SPPL3: variants seen among roughly 807,000 people sequenced by gnomAD.
SPPL3 encodes the protein signal peptide peptidase-like 3.
Under a neutral mutation model 42.4 loss-of-function variants are expected in SPPL3, and 5 were observed. The ratio of observed to expected loss-of-function variants is 0.12; its 90% confidence interval spans 0.06 to 0.25. SPPL3 has a LOEUF of 0.25. Ranked by LOEUF, SPPL3 falls within the 10% of genes least tolerant of loss-of-function variation. SPPL3 has a pLI of 1.00. For missense variants in SPPL3, 235 were observed against 489.0 expected, an observed-to-expected ratio of 0.48 and a Z score of 4.90; for synonymous variants, 195 against 181.8, an observed-to-expected ratio of 1.07 and a Z score of -0.58.
At chr12:120,833,984 C>T (rs984640356) in intron 1 of SPPL3, among the ~76,000 whole-genome samples, 50 of 152,098 alleles carry the variant, frequency 3.3e-4, no homozygotes, top group African/African-American at 1.2e-3. Context: ...AGCATGCATA[C>T]AGGGTGACAC....
intron 1 of SPPL3, among the ~76,000 whole-genome samples, chr12:120,832,686 G>A (rs914628224): frequency 2.6e-5 from 4 of 151,934 alleles, no homozygotes; most frequent in Non-Finnish European, 5.9e-5. Flanking sequence ...AAAGCTATTT[G>A]GAAATGAAAG....
At chr12:120,821,485 G>A (rs1871069828) in intron 1 of SPPL3, among the ~76,000 whole-genome samples, 1 of 152,030 alleles carries the variant, frequency 6.6e-6, no homozygotes, top group Non-Finnish European at 1.5e-5. Context: ...GGTACAAGCT[G>A]GATAAAGCAG....
chr12:120,864,504 C>T (rs759406395), intron 1 of SPPL3, among the ~76,000 whole-genome samples: 15 of 152,108 alleles, frequency 9.9e-5, no homozygotes, highest in Non-Finnish European at 1.8e-4. Flanking sequence ...CATTGCACTC[C>T]AGCCCAGACA....
Position 120,764,933 on chromosome 12 carries a change from G to C in SPPL3, c.*66C>G, listed in dbSNP as rs1055840592. ...TCTGAGTACCAGGCCAGCTCTAAGA[G>C]GAAACAAACCATGAGTTGAGAGAAA... On this transcript the variant is annotated 3_prime_UTR_variant, in exon 11 of 11. Coordinates refer to ENST00000353487, the MANE Select transcript of SPPL3 (RefSeq NM_139015.5). 14 of 1,556,346 alleles carry C rather than the reference G, an allele frequency of 9.0e-6. No homozygotes were observed. The highest frequency in any genetic ancestry group is 1.2e-5 in the Non-Finnish European group (14 of 1,137,286).
At chr12:120,782,465 G>A (rs1407355015) in intron 6 of SPPL3, among the ~76,000 whole-genome samples, 190 bp downstream of exon 6, 4 of 152,162 alleles carry the variant, frequency 2.6e-5, no homozygotes, top group Non-Finnish European at 4.4e-5. Flanking sequence ...ACAGAAAGTA[G>A]AGACTAGTGG....
chr12:120,832,198 A>G (rs1271988407), intron 1 of SPPL3, among the ~76,000 whole-genome samples: 1 of 152,248 alleles, frequency 6.6e-6, no homozygotes, highest in African/African-American at 2.4e-5. Context: ...ATTATTACTC[A>G]TAAAAACAGG....
At chr12:120,777,999 A>G (rs1869389159) in intron 6 of SPPL3, among the ~76,000 whole-genome samples, 1 of 152,126 alleles carries the variant, frequency 6.6e-6, no homozygotes, top group Non-Finnish European at 1.5e-5. Context: ...ATAGCTTGGT[A>G]TATGGTAGAC....
At chr12:120,865,113 A>G (rs1055382205) in intron 1 of SPPL3, among the ~76,000 whole-genome samples, 1 of 152,230 alleles carries the variant, frequency 6.6e-6, no homozygotes, top group African/African-American at 2.4e-5. Flanking sequence ...TAGGGGCCAC[A>G]CTTTGAGAAG....
intron 1 of SPPL3, among the ~76,000 whole-genome samples, chr12:120,827,488 C>T (rs148606949): frequency 2.0e-5 from 3 of 152,048 alleles, no homozygotes; most frequent in South Asian, 2.1e-4. Flanking sequence ...AACATACTTC[C>T]ACTATCAGCT....
At chr12:120,901,376 G>GAGT (rs1249639763) in intron 1 of SPPL3, among the ~76,000 whole-genome samples, 7 of 151,798 alleles carry the variant, frequency 4.6e-5, no homozygotes, top group Non-Finnish European at 1.0e-4. Context: ...GCAGATCACT[G>GAGT]GGTCAGGAGT....
At chr12:120,890,916 G>A (rs1426883075) in intron 1 of SPPL3, among the ~76,000 whole-genome samples, 1 of 152,196 alleles carries the variant, frequency 6.6e-6, no homozygotes, top group African/African-American at 2.4e-5. Flanking sequence ...GACAAGCTAA[G>A]ACTATCTATC....
intron 1 of SPPL3, among the ~76,000 whole-genome samples, chr12:120,862,075 T>C (rs1241937147): frequency 3.3e-5 from 5 of 152,234 alleles, no homozygotes; most frequent in Non-Finnish European, 7.3e-5. Context: ...TCAAACTTTT[T>C]AGTTCAGGAC....
In SPPL3 at chr12:120,785,791, G is replaced by A. The variant is rs181683530; in HGVS notation, c.191-1198C>T. Among the ~76,000 whole-genome samples the A allele has an allele frequency of 4.9e-3, 704 of 144,996 alleles. 8 individuals carry two copies. The highest frequency in any genetic ancestry group is 0.017 in the African/African-American group (645 of 38,522). On this transcript the variant is annotated intron_variant, in intron 3 of 10. Coordinates refer to ENST00000353487, the MANE Select transcript of SPPL3 (RefSeq NM_139015.5). ...TTCAAGACCAGCCTGGGCAAACTAA[G>A]GAGACCCTATCTCTACAGAAAATTA...
chr12:120,765,927 G>A (rs944279404), intron 10 of SPPL3, among the ~76,000 whole-genome samples: 1 of 152,132 alleles, frequency 6.6e-6, no homozygotes, highest in African/African-American at 2.4e-5. Flanking sequence ...AAGCTGTTAG[G>A]TGGCAGGAGG....
At chr12:120,805,006 C>T (rs566226981) in intron 2 of SPPL3, among the ~76,000 whole-genome samples, 20 of 152,122 alleles carry the variant, frequency 1.3e-4, no homozygotes, top group Admixed American at 3.9e-4. Context: ...ACCACTTATA[C>T]GAGAGGTCCA....
chr12:120,898,001 G>A (rs1271185569), intron 1 of SPPL3, among the ~76,000 whole-genome samples: 1 of 152,026 alleles, frequency 6.6e-6, no homozygotes, highest in Non-Finnish European at 1.5e-5. Flanking sequence ...ACAGCCCTGA[G>A]ATTAGAAAGC....
At chr12:120,790,131 T>C (rs1466397153) in intron 3 of SPPL3, among the ~76,000 whole-genome samples, 2 of 152,208 alleles carry the variant, frequency 1.3e-5, no homozygotes, top group Admixed American at 1.3e-4. Flanking sequence ...AATCTAAAAA[T>C]CAGATTTTGC....
rs80233531 is a variant in SPPL3 at position 120,874,964 on chromosome 12, T to C, written c.23+28881A>G. ...TTGCCTTTGGAACCCAACTACCAGATTGTAAGAAAATTTAGGCCACATAAA... is the reference window on the plus strand; with the variant it reads ...TTGCCTTTGGAACCCAACTACCAGACTGTAAGAAAATTTAGGCCACATAAA... On this transcript the variant is annotated intron_variant, in intron 1 of 10. Coordinates refer to ENST00000353487, the MANE Select transcript of SPPL3 (RefSeq NM_139015.5). 4.8e-3 allele frequency among the ~76,000 whole-genome samples: 725 copies of C among 152,256 alleles called. 8 individuals are homozygous for C. The highest frequency in any genetic ancestry group is 0.016 in the African/African-American group (665 of 41,526).
chr12:120,866,755 T>C (rs906179239), intron 1 of SPPL3, among the ~76,000 whole-genome samples: 1 of 152,236 alleles, frequency 6.6e-6, no homozygotes, highest in Non-Finnish European at 1.5e-5. Context: ...TTCTGAACTT[T>C]TGGCCATCTC....
Sources: gnomAD v4.1 joint callset for allele counts (sites outside exome capture counted in the v4.1 genomes callset) on GRCh38, gnomAD v4.1.1 for gene constraint, MANE v1.5 for transcripts, NCBI Gene and HGNC (gene_info 2026-07-23, HGNC 2026-07-21) for gene names.